ZNF600: variants seen among roughly 807,000 people sequenced by gnomAD.
The protein encoded by ZNF600 is zinc finger protein KR-ZNF1.
Under a neutral mutation model 7.3 loss-of-function variants are expected in ZNF600, and 4 were observed. The observed-to-expected ratio is 0.55, with a 90% CI of 0.27 to 1.25. ZNF600 has a LOEUF of 1.25. Among genes scored for constraint, ZNF600 ranks in the 50% most tolerant of loss-of-function variants. The pLI is 0.12. For missense variants in ZNF600, 911 were observed against 922.1 expected, an observed-to-expected ratio of 0.99 and a Z score of 0.16; for synonymous variants, 290 against 308.9, an observed-to-expected ratio of 0.94 and a Z score of 0.64.
chr19:52,809,212 C>T, the ZNF600 span, among the ~76,000 whole-genome samples: 2 of 152,164 alleles, frequency 1.3e-5, no homozygotes, highest in African/African-American at 4.8e-5. Context: ...ATCACCCTTT[C>T]AACTGCCTGA....
chr19:52,765,433 C>T, exon 4 of ZNF600: 2 of 1,189,978 alleles, frequency 1.7e-6, no homozygotes, highest in Non-Finnish European at 2.5e-6. Context: ...TAAGGTTTCT[C>T]TCCAGTATGA....
the ZNF600 span, among the ~76,000 whole-genome samples, chr19:52,818,496 T>G: frequency 9.5e-4 from 145 of 152,184 alleles, no homozygotes; most frequent in Non-Finnish European, 1.7e-3. Context: ...GTGGATTACT[T>G]GAGGTCAGGA....
chr19:52,822,721 GCT>G, the ZNF600 span, among the ~76,000 whole-genome samples: 1 of 152,176 alleles, frequency 6.6e-6, no homozygotes, highest in Non-Finnish European at 1.5e-5. Flanking sequence ...CAGCTAGTTA[GCT>G]TCATGCAGAG....
chr19:52,776,494 C>G (rs1234420607), intron 2 of ZNF600, among the ~76,000 whole-genome samples: 2 of 151,894 alleles, frequency 1.3e-5, no homozygotes, highest in Non-Finnish European at 2.9e-5. Flanking sequence ...TCACTGCAAC[C>G]TCGGCCACCC....
At chr19:52,811,547 C>T in the ZNF600 span, among the ~76,000 whole-genome samples, 2 of 149,370 alleles carry the variant, frequency 1.3e-5, no homozygotes, top group Non-Finnish European at 3.0e-5. Context: ...CCCCACCGCC[C>T]TGTCTGGGAT....
At chr19:52,797,154 T>G in the ZNF600 span, among the ~76,000 whole-genome samples, 24 of 152,220 alleles carry the variant, frequency 1.6e-4, no homozygotes, top group Admixed American at 2.6e-4. Flanking sequence ...TCAATACATG[T>G]AGAAAAAGCA....
intron 1 of ZNF600, 32 bp from the exon 3 acceptor site, chr19:52,781,087 T>G (rs1481046792): frequency 1.3e-5 from 2 of 151,684 alleles, no homozygotes; most frequent in South Asian, 2.1e-4. Context: ...GTAGGTGGGT[T>G]AAAGCTGTGA....
chr19:52,811,830 C>T, the ZNF600 span, among the ~76,000 whole-genome samples: 1 of 148,014 alleles, frequency 6.8e-6, no homozygotes, highest in Non-Finnish European at 1.5e-5. Flanking sequence ...GCCCGGCCGC[C>T]CCTACTGGGA....
At chr19:52,820,248 G>T in the ZNF600 span, among the ~76,000 whole-genome samples, 6 of 137,924 alleles carry the variant, frequency 4.4e-5, 2 homozygotes, top group African/African-American at 1.8e-4. Context: ...CTCCCGAGTA[G>T]CTGGGACTAC....
chr19:52,791,830 TG>T, the ZNF600 span, among the ~76,000 whole-genome samples: 2 of 152,192 alleles, frequency 1.3e-5, no homozygotes, highest in South Asian at 4.1e-4. Context: ...TGGGCTGGAC[TG>T]ATCTCCCCTT....
At chr19:52,781,814 A>G (rs1016350569) in intron 1 of ZNF600, among the ~76,000 whole-genome samples, 3 of 151,648 alleles carry the variant, frequency 2.0e-5, no homozygotes, top group Admixed American at 2.0e-4. Flanking sequence ...TGTAATCTCA[A>G]CACTTTGGGA....
At chr19:52,781,261 T>C (rs1479671590) in intron 1 of ZNF600, 56 bp downstream of exon 2, 3 of 152,080 alleles carry the variant, frequency 2.0e-5, no homozygotes, top group African/African-American at 7.2e-5. Flanking sequence ...CTGTATTTTG[T>C]CAGTCATTTC....
chr19:52,810,619 T>C, the ZNF600 span: 3 of 1,460,600 alleles, frequency 2.1e-6, no homozygotes, highest in Non-Finnish European at 2.9e-6. Context: ...CAGTTCCTGC[T>C]CTCCATTCTA....
the ZNF600 span, chr19:52,797,381 T>G: frequency 6.6e-6 from 1 of 152,234 alleles, no homozygotes; most frequent in African/African-American, 2.4e-5. Flanking sequence ...AACAATGAAA[T>G]AGCAATAGAA....
At chr19:52,777,553 C>G (rs570865331) in intron 2 of ZNF600, among the ~76,000 whole-genome samples, 1 of 152,142 alleles carries the variant, frequency 6.6e-6, no homozygotes, top group South Asian at 2.1e-4. Flanking sequence ...AAAATAAGGC[C>G]GGACACAGTG....
At chr19:52,789,746 A>T (rs565490975), upstream of ZNF600, among the ~76,000 whole-genome samples, 2 of 152,328 alleles carry the variant, frequency 1.3e-5, no homozygotes, top group South Asian at 2.1e-4. Context: ...AATTAAAAAA[A>T]ATATGAAAAA....
the ZNF600 span, among the ~76,000 whole-genome samples, chr19:52,794,920 T>C: frequency 6.6e-6 from 1 of 152,212 alleles, no homozygotes; most frequent in African/African-American, 2.4e-5. Flanking sequence ...TCTCTTTCAA[T>C]GTCTAAGGTT....
the ZNF600 span, among the ~76,000 whole-genome samples, chr19:52,797,113 G>A: frequency 2.6e-5 from 4 of 152,174 alleles, no homozygotes; most frequent in South Asian, 8.3e-4. Flanking sequence ...TATACCACTT[G>A]AACATAATGA....
the ZNF600 span, among the ~76,000 whole-genome samples, chr19:52,828,534 A>G: frequency 2.6e-5 from 4 of 152,324 alleles, no homozygotes; most frequent in East Asian, 5.8e-4. Context: ...CTACAGTTAA[A>G]TAACAGCCAG....
Sources: allele counts gnomAD v4.1 joint callset (sites outside exome capture counted in the v4.1 genomes callset), GRCh38; gene constraint gnomAD v4.1.1; transcripts MANE v1.5; gene names NCBI Gene and HGNC (gene_info 2026-07-23, HGNC 2026-07-21).